The following RASA3 variants were observed in gnomAD, a reference collection of about 807,000 sequenced individuals.
RASA3 encodes the protein ras GTPase-activating protein 3.
Under a neutral mutation model 110.0 loss-of-function variants are expected in RASA3, and 73 were observed. The ratio of observed to expected loss-of-function variants is 0.66; its 90% CI spans 0.55 to 0.81. RASA3 has a LOEUF of 0.81. Among genes scored for constraint, RASA3 ranks in the 30% least tolerant of loss-of-function variants. The pLI is 0.00. For missense variants in RASA3, 976 were observed against 1,113.2 expected, an observed-to-expected ratio of 0.88 and a Z score of 1.75; for synonymous variants, 500 against 451.4, an observed-to-expected ratio of 1.11 and a Z score of -1.37.
At chr13:114,109,742 G>A (rs940354006) in intron 1 of RASA3, among the ~76,000 whole-genome samples, 2 of 151,478 alleles carry the variant, frequency 1.3e-5, no homozygotes, top group Non-Finnish European at 1.5e-5. Flanking sequence ...CAAACGCCGT[G>A]AGCAGCCTCC....
chr13:114,102,437 T>G (rs2080072104), intron 1 of RASA3, among the ~76,000 whole-genome samples: 1 of 151,826 alleles, frequency 6.6e-6, no homozygotes, highest in Admixed American at 6.6e-5. Flanking sequence ...GTGAGAGCGC[T>G]TCCCACAAGA....
intron 1 of RASA3, among the ~76,000 whole-genome samples, chr13:114,091,913 T>A (rs1190159693): frequency 1.3e-5 from 2 of 152,186 alleles, no homozygotes; most frequent in Non-Finnish European, 2.9e-5. Flanking sequence ...GTAGGTTGTA[T>A]GTGTCCAGGA....
rs532680635 is a variant in RASA3 at position 114,072,125 on chromosome 13, G to A, written c.173+1595C>T. 5.3e-5 allele frequency among the ~76,000 whole-genome samples: 8 copies of A among 152,106 alleles called. No individual in the cohort carries two copies. In the East Asian group the frequency reaches 5.8e-4, roughly 11 times the overall value. Reference sequence around the variant, plus strand: ...GCCGCCCCATGCTTCCCCCGAGGCCGCAGCACTGAGGCCCTGCCTGGCACA... The same window carrying A: ...GCCGCCCCATGCTTCCCCCGAGGCCACAGCACTGAGGCCCTGCCTGGCACA... On this transcript the variant is annotated intron_variant, in intron 2 of 23. Transcript: ENST00000334062.
chr13:114,049,390 A>T (rs2079106725), intron 3 of RASA3, among the ~76,000 whole-genome samples: 1 of 152,216 alleles, frequency 6.6e-6, no homozygotes, highest in South Asian at 2.1e-4. Flanking sequence ...AGTCACCATA[A>T]TCGTAAAGCC....
At chr13:114,050,278 G>C (rs898058150) in intron 3 of RASA3, among the ~76,000 whole-genome samples, 1 of 152,234 alleles carries the variant, frequency 6.6e-6, no homozygotes, top group Non-Finnish European at 1.5e-5. Context: ...GACCCTGAAG[G>C]GGGGTCAGGT....
chr13:113,998,736 T>C (rs9525178), intron 20 of RASA3, among the ~76,000 whole-genome samples: 106,732 of 152,190 alleles, frequency 0.7, 38,169 homozygotes, highest in African/African-American at 0.85. Flanking sequence ...CAGGGAGGGA[T>C]GTCCAGAAAA....
In RASA3 at chr13:114,056,226, T is replaced by C. The variant is rs2079242512; in HGVS notation, c.174-4071A>G. ...CGATGAATGTCCAGTGCGTGTCCAATGCGTGTCTGGTGAGTGGTGAGTGTC... is the reference window on the plus strand; with the variant it reads ...CGATGAATGTCCAGTGCGTGTCCAACGCGTGTCTGGTGAGTGGTGAGTGTC... On this transcript the variant is annotated intron_variant, in intron 2 of 23. Coordinates refer to ENST00000334062, the MANE Select transcript of RASA3 (RefSeq NM_007368.4). This position sits in a 1 kb window ranked among gnomAD's most constrained non-coding sequence, Gnocchi z 5.7. 6.6e-6 allele frequency among the ~76,000 whole-genome samples: 1 copy of C among 152,150 alleles called. No homozygotes were observed. The highest frequency in any genetic ancestry group is 1.5e-5 in the Non-Finnish European group (1 of 68,022).
intron 4 of RASA3, among the ~76,000 whole-genome samples, chr13:114,038,750 GGGATGAGGGTTCCAGGA>G (rs1436325158): frequency 6.6e-6 from 1 of 150,718 alleles, no homozygotes; most frequent in East Asian, 1.9e-4. Context: ...GGGTTCCCGA[GGGATGAGGGTTCCAGGA>G]GGATGAGGGT....
At chr13:113,993,827 A>AAAAG (rs1555324886) in intron 21 of RASA3, among the ~76,000 whole-genome samples, 7 of 125,670 alleles carry the variant, frequency 5.6e-5, no homozygotes, top group South Asian at 2.7e-4. Context: ...AAAAAAAAAA[A>AAAAG]AAAAGAAAAG....
intron 14 of RASA3, 57 bp from the exon 15 acceptor site, chr13:114,013,305 A>C: frequency 7.4e-7 from 1 of 1,356,988 alleles, no homozygotes; most frequent in Non-Finnish European, 1.0e-6. Context: ...CCTCGTGGGG[A>C]CACCATGCCC....
In RASA3 at chr13:114,011,071, T is replaced by TA. The variant is rs879721063; in HGVS notation, c.1590+99dup. 4.5e-6 allele frequency: 5 copies of TA among 1,120,102 alleles called. No individual in the cohort carries two copies. In the East Asian group the frequency reaches 7.3e-5, roughly 16 times the overall value. The allele number at this position is 1,120,102 out of a possible 1,614,324, so 69.4% of individuals were successfully genotyped here. ...CGGCTTTGATTCTTGATCTTTATCT[T>TA]ACGACTCTCTCAAATGTGGGAGGTT... is the stretch of plus-strand genomic sequence containing the variant. On this transcript the variant is annotated intron_variant, in intron 16 of 23. Coordinates refer to ENST00000334062, the MANE Select transcript of RASA3 (RefSeq NM_007368.4). This position sits in a 1 kb window ranked among gnomAD's most constrained non-coding sequence, Gnocchi z 4.8.
At chr13:114,130,214 C>T (rs1179797707) in intron 1 of RASA3, among the ~76,000 whole-genome samples, 1 of 152,190 alleles carries the variant, frequency 6.6e-6, no homozygotes, top group Non-Finnish European at 1.5e-5. Context: ...CCTGTCTCCC[C>T]AGCTACTTGG....
At chr13:114,064,864 C>T (rs1003580805) in intron 2 of RASA3, among the ~76,000 whole-genome samples, 2 of 152,218 alleles carry the variant, frequency 1.3e-5, no homozygotes, top group African/African-American at 4.8e-5. Context: ...AACTCTCTTT[C>T]CAAATAAAGA....
chr13:113,984,079 CTCCACCCATCACTCACCCATCCATCCA>C (rs2052993138), intron 22 of RASA3, among the ~76,000 whole-genome samples: 1 of 81,608 alleles, frequency 1.2e-5, no homozygotes, highest in Admixed American at 1.3e-4. Context: ...CCATCCATCC[CTCCACCCATCACTCACCCATCCATCCA>C]TCCACCCATG....
At chr13:114,094,643 G>A (rs1226760830) in intron 1 of RASA3, among the ~76,000 whole-genome samples, 4 of 152,124 alleles carry the variant, frequency 2.6e-5, no homozygotes, top group South Asian at 2.1e-4. Context: ...TATTGATAGA[G>A]GCAACATTGG....
At chr13:114,067,020 G>GGGCCCCCCGACCTGGGCTGAGGACT (rs2079465503) in intron 2 of RASA3, among the ~76,000 whole-genome samples, 4 of 148,930 alleles carry the variant, frequency 2.7e-5, no homozygotes, top group Admixed American at 2.0e-4. Context: ...GGCTGAGGAC[G>GGGCCCCCCGACCTGGGCTGAGGACT]GGCCCCCTGA....
In RASA3 at chr13:114,115,921, C is replaced by T. The variant is rs545545455; in HGVS notation, c.55+16514G>A. On this transcript the variant is annotated intron_variant, in intron 1 of 23. Transcript: ENST00000334062. This position sits in a 1 kb window ranked among gnomAD's most constrained non-coding sequence, Gnocchi z 5.0. The stretch of plus-strand genomic sequence containing the variant: ...AGCAGGCTTAAAGAAGAAACCCAAA[C>T]GCTCTGTGAATGGGACATGTGCTCA... Among the ~76,000 whole-genome samples the T allele has an allele frequency of 2.6e-5, 4 of 152,238 alleles. No homozygotes were observed. Among genetic ancestry groups the T allele is most frequent in the Admixed American group, 6.5e-5 (1 of 15,288 alleles).
chr13:114,055,313 C>T (rs903215585), intron 2 of RASA3, among the ~76,000 whole-genome samples: 4 of 152,362 alleles, frequency 2.6e-5, no homozygotes, highest in East Asian at 1.9e-4. Flanking sequence ...CCACACAATG[C>T]GCTGCTTTCA....
At chr13:114,068,868 G>C (rs1489734495) in intron 2 of RASA3, among the ~76,000 whole-genome samples, 2 of 152,222 alleles carry the variant, frequency 1.3e-5, no homozygotes, top group African/African-American at 4.8e-5. Context: ...GAAAGGGCTT[G>C]TTCTCTGAAA....
Sources: allele counts gnomAD v4.1 joint callset (sites outside exome capture counted in the v4.1 genomes callset), GRCh38; gene constraint gnomAD v4.1.1; non-coding constraint Gnocchi (gnomAD v3.1); transcripts MANE v1.5; gene names NCBI Gene and HGNC (gene_info 2026-07-23, HGNC 2026-07-21).